The following LMLN variants were observed in gnomAD, a reference collection of about 807,000 sequenced individuals.
LMLN encodes the protein leishmanolysin like peptidase, also known as leishmanolysin-like peptidase.
LMLN carries 70 observed loss-of-function variants against 92.3 expected under a neutral mutation model. That is an observed-to-expected ratio of 0.76 (90% confidence interval 0.63 to 0.92). The LOEUF (loss-of-function observed/expected upper bound fraction) is 0.92, where lower values mean the gene tolerates loss of function less well. Ranked by LOEUF, LMLN falls within the 40% of genes least tolerant of loss-of-function variation. The pLI is 0.00. For missense variants in LMLN, 691 were observed against 814.6 expected, an observed-to-expected ratio of 0.85 and a Z score of 1.85; for synonymous variants, 308 against 296.2, an observed-to-expected ratio of 1.04 and a Z score of -0.41.
chr3:197,969,266 A>AAT (rs35102956), intron 1 of LMLN, among the ~76,000 whole-genome samples: 12,557 of 147,624 alleles, frequency 0.085, 587 homozygotes, highest in African/African-American at 0.13. Flanking sequence ...CTTTGAGTTT[A>AAT]ATATATATAT....
intron 1 of LMLN, among the ~76,000 whole-genome samples, chr3:197,963,666 C>T (rs1372889497): frequency 6.6e-6 from 1 of 152,162 alleles, no homozygotes; most frequent in East Asian, 1.9e-4. Flanking sequence ...CCTAGCTAAA[C>T]TTATTTATTC....
At chr3:197,979,376 C>CAA (rs1319958120) in intron 5 of LMLN, among the ~76,000 whole-genome samples, 215 of 152,228 alleles carry the variant, frequency 1.4e-3, no homozygotes, top group African/African-American at 5.1e-3. Context: ...ATTACAGAGG[C>CAA]AAATAAGATT....
At chr3:198,004,561 A>C (rs139679521) in intron 11 of LMLN, among the ~76,000 whole-genome samples, 8 of 105,036 alleles carry the variant, frequency 7.6e-5, no homozygotes, top group African/African-American at 2.9e-4. Context: ...AGTAAGTTTG[A>C]CATCTATATA....
chr3:197,963,063 A>G (rs1203042196), intron 1 of LMLN, among the ~76,000 whole-genome samples: 2 of 152,202 alleles, frequency 1.3e-5, no homozygotes, highest in Non-Finnish European at 2.9e-5. Context: ...TGATTTGGAG[A>G]TAATTGACAT....
intron 14 of LMLN, among the ~76,000 whole-genome samples, chr3:198,026,943 G>T (rs907356411): frequency 6.6e-6 from 1 of 152,050 alleles, no homozygotes; most frequent in Admixed American, 6.5e-5. Flanking sequence ...TCTTAGTAAG[G>T]TAGGAAATGT....
At chr3:197,974,634 A>G (rs1194737360) in intron 2 of LMLN, among the ~76,000 whole-genome samples, 160 bp downstream of exon 2, 2 of 152,262 alleles carry the variant, frequency 1.3e-5, no homozygotes, top group Non-Finnish European at 2.9e-5. Context: ...GTCTGAAAAT[A>G]TGAAAGCCAT....
intron 6 of LMLN, 83 bp downstream of exon 6, chr3:197,980,587 A>G: frequency 7.3e-7 from 1 of 1,374,844 alleles, no homozygotes; most frequent in East Asian, 2.3e-5. Context: ...TTAAGATTAC[A>G]GGAATCTTGC....
intron 1 of LMLN, among the ~76,000 whole-genome samples, chr3:197,966,906 G>A (rs768792933): frequency 6.6e-6 from 1 of 152,044 alleles, no homozygotes; most frequent in Non-Finnish European, 1.5e-5. Flanking sequence ...CAGTCCTCCT[G>A]CCTCAGCCTC....
intron 11 of LMLN, among the ~76,000 whole-genome samples, chr3:198,008,335 A>G (rs1005064620): frequency 2.0e-5 from 3 of 152,228 alleles, no homozygotes; most frequent in African/African-American, 7.2e-5. Context: ...GATTTAAAAA[A>G]TAATAGTAAG....
chr3:198,022,319 C>T (rs1217259833), intron 13 of LMLN, among the ~76,000 whole-genome samples: 1 of 152,178 alleles, frequency 6.6e-6, no homozygotes, highest in Non-Finnish European at 1.5e-5. Context: ...AGTTACAGCT[C>T]ATACTAATTA....
At chr3:197,969,196 C>T (rs1316920954) in intron 1 of LMLN, among the ~76,000 whole-genome samples, 1 of 152,050 alleles carries the variant, frequency 6.6e-6, no homozygotes, top group Non-Finnish European at 1.5e-5. Flanking sequence ...ATCCTCCCAC[C>T]TTAGCCTCCC....
chr3:198,015,059 T>C (rs1722586746), intron 11 of LMLN, among the ~76,000 whole-genome samples: 1 of 148,922 alleles, frequency 6.7e-6, no homozygotes. Flanking sequence ...CTCTCCACCC[T>C]TCAGAGCCTC....
At position 198,035,910 on chromosome 3, in the gene LMLN, C is replaced by A. The variant is rs374226364; in HGVS notation, c.1734C>A (p.Leu578=). ...TGTGTAGTCGGGCTGGGCAGGTCCTCCCTGTCAGTATCCAGATGAATGGCT... is the reference window on the plus strand; with the variant it reads ...TGTGTAGTCGGGCTGGGCAGGTCCTACCTGTCAGTATCCAGATGAATGGCT... The change falls in exon 15 of 16, where the codon CTC becomes CTA. Residue 578 remains leucine (L), a synonymous_variant. Coordinates refer to ENST00000330198, the Ensembl canonical transcript of LMLN. The A allele has an allele frequency of 1.2e-5, 19 of 1,613,944 alleles. No individual in the cohort carries two copies. In the African/African-American group the frequency reaches 2.5e-4, roughly 22 times the overall value.
intron 5 of LMLN, among the ~76,000 whole-genome samples, chr3:197,977,628 CTT>C (rs1721429611): frequency 6.6e-6 from 1 of 151,160 alleles, no homozygotes; most frequent in Admixed American, 6.6e-5. Flanking sequence ...GAAGCACACA[CTT>C]GTTAAATCTG....
intron 1 of LMLN, among the ~76,000 whole-genome samples, chr3:197,964,519 C>T (rs188225278): frequency 0.011 from 1,688 of 151,642 alleles, 15 homozygotes; most frequent in Non-Finnish European, 0.017. Context: ...CTGCCTCAGC[C>T]TCCTGAGTAG....
At chr3:197,972,490 G>A (rs1442051773) in intron 1 of LMLN, among the ~76,000 whole-genome samples, 4 of 152,018 alleles carry the variant, frequency 2.6e-5, no homozygotes, top group Admixed American at 1.3e-4. Context: ...TTATGTGTAT[G>A]TTTTCTTTTA....
At chr3:197,965,466 C>T (rs1161302427) in intron 1 of LMLN, among the ~76,000 whole-genome samples, 3 of 151,892 alleles carry the variant, frequency 2.0e-5, no homozygotes, top group Admixed American at 1.3e-4. Flanking sequence ...GTCTTGAGCT[C>T]CTGGACTCAA....
intron 1 of LMLN, among the ~76,000 whole-genome samples, chr3:197,963,272 T>C (rs957861080): frequency 6.6e-6 from 1 of 151,592 alleles, no homozygotes; most frequent in African/African-American, 2.4e-5. Context: ...GGCAGAATCA[T>C]AGCTCACAGC....
intron 12 of LMLN, among the ~76,000 whole-genome samples, chr3:198,020,583 A>G (rs1722749333): frequency 6.6e-6 from 1 of 151,720 alleles, no homozygotes; most frequent in South Asian, 2.1e-4. Flanking sequence ...AAACACATAC[A>G]ATTATTTTAT....
Sources: allele counts gnomAD v4.1 joint callset (sites outside exome capture counted in the v4.1 genomes callset), GRCh38; gene constraint gnomAD v4.1.1; transcripts MANE v1.5; gene names NCBI Gene and HGNC (gene_info 2026-07-23, HGNC 2026-07-21).